Variants in KCNC1 observed in about 807,000 individuals in gnomAD.
KCNC1 encodes voltage-gated potassium channel KCNC1.
In KCNC1, 8 loss-of-function variants were observed where a neutral mutation model predicts 43.4. The observed-to-expected ratio is 0.18, with a 90% confidence interval of 0.11 to 0.33. The LOEUF (loss-of-function observed/expected upper bound fraction) is 0.33, where lower values mean the gene tolerates loss of function less well. KCNC1 is among the 10% of genes least tolerant of loss of function. The probability of loss-of-function intolerance (pLI) is 1.00; values close to 1 mark genes in which losing one functional copy is unlikely to be tolerated. For synonymous variants in KCNC1, 361 were observed against 360.5 expected (o/e 1.00, Z -0.01); for missense variants, 420 against 836.0 (o/e 0.50, Z 6.14).
chr11:17,766,219 A>G (rs1429799821), intron 1 of KCNC1, among the ~76,000 whole-genome samples: 2 of 152,148 alleles, frequency 1.3e-5, no homozygotes. Flanking sequence ...GCAGCACCCA[A>G]GTGTTTCTGG....
chr11:17,758,376 G>A (rs1318657791), intron 1 of KCNC1, among the ~76,000 whole-genome samples: 2 of 152,156 alleles, frequency 1.3e-5, no homozygotes, highest in Non-Finnish European at 2.9e-5. Flanking sequence ...CACGAGAATT[G>A]GAATCAACTC....
Position 17,735,795 on chromosome 11 carries a change from C to T in KCNC1, c.-208C>T, listed in dbSNP as rs1313177546. The T allele has an allele frequency of 8.1e-6, 4 of 492,828 alleles. No homozygotes were observed. The highest frequency in any genetic ancestry group is 2.0e-5 in the African/African-American group (1 of 49,028). The allele number at this position is 492,828 out of a possible 1,614,324, so 30.5% of individuals were successfully genotyped here. Reference sequence around the variant, plus strand: ...GCTCCTAGAGACCCCTGGGATCCCGCGCACATTCCCCTGGACCGGCACCCG... The same window carrying T: ...GCTCCTAGAGACCCCTGGGATCCCGTGCACATTCCCCTGGACCGGCACCCG... On this transcript the variant is annotated 5_prime_UTR_variant, in exon 1 of 4. Transcript: ENST00000265969. This position sits in a 1 kb window ranked among gnomAD's most constrained non-coding sequence, Gnocchi z 6.7.
rs956106787 is a variant in KCNC1 at position 17,773,465 on chromosome 11, G to A, written c.1504+867G>A. 6.5e-5 allele frequency: 64 copies of A among 985,020 alleles called. No homozygotes were observed. Among genetic ancestry groups the A allele is most frequent in the Non-Finnish European group, 7.7e-5 (64 of 829,908 alleles). 61.0% of individuals were successfully genotyped at this position (985,020 alleles called of 1,614,324 possible). A position where few individuals can be genotyped will look rare whatever the true frequency, so the allele number is the denominator to read the frequency against. On this transcript the variant is annotated intron_variant, in intron 2 of 3. Coordinates refer to ENST00000265969, the MANE Select transcript of KCNC1 (RefSeq NM_001112741.2). The surrounding 1 kb of genome is among the most constrained non-coding windows in gnomAD (Gnocchi z 4.1). ...TACAGACCAGCAACAGCCTCCCACCGAGGGTTCTCCCCGTTTCCAGCGGTA... is the reference window on the plus strand; with the variant it reads ...TACAGACCAGCAACAGCCTCCCACCAAGGGTTCTCCCCGTTTCCAGCGGTA...
intron 1 of KCNC1, among the ~76,000 whole-genome samples, chr11:17,750,269 G>A (rs2133787376): frequency 6.6e-6 from 1 of 152,318 alleles, no homozygotes; most frequent in Middle Eastern, 3.4e-3. Context: ...CAGGTCCTGG[G>A]TTTGGATTTT....
chr11:17,751,252 G>A (rs1460444221), intron 1 of KCNC1, among the ~76,000 whole-genome samples: 1 of 152,190 alleles, frequency 6.6e-6, no homozygotes, highest in Non-Finnish European at 1.5e-5. Context: ...TAAAAATGAG[G>A]TAGTGGGAGA....
chr11:17,742,902 C>T lies in KCNC1; in HGVS notation c.570+6330C>T, dbSNP rs1590092275. On this transcript the variant is annotated intron_variant, in intron 1 of 3. Coordinates refer to ENST00000265969, the MANE Select transcript of KCNC1 (RefSeq NM_001112741.2). The surrounding 1 kb of genome is among the most constrained non-coding windows in gnomAD (Gnocchi z 4.2). The stretch of plus-strand genomic sequence containing the variant: ...CGTGCTGTTCTTCTCTTATCTACTC[C>T]CATTAATTTCCTTCCTGGGGGAAGT... Among the ~76,000 whole-genome samples the T allele has an allele frequency of 6.6e-6, 1 of 152,112 alleles. No homozygotes were observed. The highest frequency in any genetic ancestry group is 1.9e-4 in the East Asian group (1 of 5,188).
In KCNC1 at chr11:17,773,058, C is replaced by T; in HGVS notation, c.1504+460C>T. 2.0e-6 allele frequency: 2 copies of T among 1,010,708 alleles called. No homozygotes were observed. Among genetic ancestry groups the T allele is most frequent in the Non-Finnish European group, 2.4e-6 (2 of 845,914 alleles). The allele number at this position is 1,010,708 out of a possible 1,614,324, so 62.6% of individuals were successfully genotyped here. On this transcript the variant is annotated intron_variant, in intron 2 of 3. Transcript: ENST00000265969. This position sits in a 1 kb window ranked among gnomAD's most constrained non-coding sequence, Gnocchi z 4.1. ...GGCTCCCTTCAGGCTGTGTAGATGG[C>T]AGAGATGGTGCATGGGATCTGGGCA...
In KCNC1 at chr11:17,735,932, G is replaced by C; in HGVS notation, c.-71G>C. 1 of 1,377,010 alleles carries C rather than the reference G, an allele frequency of 7.3e-7. No individual in the cohort carries two copies. Among genetic ancestry groups the C allele is most frequent in the Non-Finnish European group, 9.3e-7 (1 of 1,073,668 alleles). The allele number at this position is 1,377,010 out of a possible 1,614,324, so 85.3% of individuals were successfully genotyped here. ...GAAGAGGGCGCGCGCCCCCCTCCCC[G>C]GCGCCAACTCCCCCTGGCGGCCGCT... On this transcript the variant is annotated 5_prime_UTR_variant, in exon 1 of 4. Transcript: ENST00000265969. This position sits in a 1 kb window ranked among gnomAD's most constrained non-coding sequence, Gnocchi z 6.7.
At position 17,781,600 on chromosome 11, in the gene KCNC1, A is replaced by C; in HGVS notation, c.1694-70A>C. The C allele has an allele frequency of 9.2e-7, 1 of 1,082,448 alleles. No individual in the cohort carries two copies. 67.1% of individuals were successfully genotyped at this position (1,082,448 alleles called of 1,614,324 possible). A position where few individuals can be genotyped will look rare whatever the true frequency, so the allele number is the denominator to read the frequency against. ...CTGTCTTTCCTCCTCCTTCTTAAAA[A>C]CTAAGTACCAAGCGGGATGGGAGAG... On this transcript the variant is annotated intron_variant, in intron 3 of 3. Transcript: ENST00000265969. The surrounding 1 kb of genome is among the most constrained non-coding windows in gnomAD (Gnocchi z 5.1).
chr11:17,756,856 G>A (rs1304922057), intron 1 of KCNC1, among the ~76,000 whole-genome samples: 1 of 152,188 alleles, frequency 6.6e-6, no homozygotes, highest in Non-Finnish European at 1.5e-5. Flanking sequence ...TTTCTCCCAG[G>A]ACTACCTGGG....
chr11:17,740,373 C>A (rs1848824100), intron 1 of KCNC1, among the ~76,000 whole-genome samples: 1 of 152,122 alleles, frequency 6.6e-6, no homozygotes, highest in Admixed American at 6.5e-5. Flanking sequence ...AGAATAAGAA[C>A]TGCCCCAGAG....
chr11:17,779,444 A>T lies in KCNC1; in HGVS notation c.1505-12A>T. On this transcript the variant is annotated splice_polypyrimidine_tract_variant and intron_variant, in intron 2 of 3. Transcript: ENST00000265969. The surrounding 1 kb of genome is among the most constrained non-coding windows in gnomAD (Gnocchi z 7.2). Reference sequence around the variant, plus strand: ...TTCAGTGTCTCAATAGCTTCTGCTTATATGTTTGAAGATTCCAAACTGAAT... The same window carrying T: ...TTCAGTGTCTCAATAGCTTCTGCTTTTATGTTTGAAGATTCCAAACTGAAT... 1 of 1,532,746 alleles carries T rather than the reference A, an allele frequency of 6.5e-7. No individual in the cohort carries two copies. The highest frequency in any genetic ancestry group is 8.8e-7 in the Non-Finnish European group (1 of 1,138,362). 94.9% of individuals were successfully genotyped at this position (1,532,746 alleles called of 1,614,324 possible).
At position 17,776,389 on chromosome 11, in the gene KCNC1, C is replaced by T; in HGVS notation, c.1505-3067C>T. On this transcript the variant is annotated intron_variant, in intron 2 of 3. Transcript: ENST00000265969. The surrounding 1 kb of genome is among the most constrained non-coding windows in gnomAD (Gnocchi z 4.4). The stretch of plus-strand genomic sequence containing the variant: ...AAATGCCCAGCAACCCCCAACCCAC[C>T]CCAGCCCCGCGTGCGCCCCTCCGGT... 1 of 985,448 alleles carries T rather than the reference C, an allele frequency of 1.0e-6. No homozygotes were observed. Among genetic ancestry groups the T allele is most frequent in the Non-Finnish European group, 1.2e-6 (1 of 829,968 alleles). 61.0% of individuals were successfully genotyped at this position (985,448 alleles called of 1,614,324 possible).
chr11:17,736,694 G>A lies in KCNC1; in HGVS notation c.570+122G>A, dbSNP rs1323615550. The A allele has an allele frequency of 4.2e-6, 6 of 1,413,680 alleles. No individual in the cohort carries two copies. In the Admixed American group the frequency reaches 1.4e-4, roughly 34 times the overall value. 87.6% of individuals were successfully genotyped at this position (1,413,680 alleles called of 1,614,324 possible). ...AGTTCAGAATCGAAAGGGGGTGTGT[G>A]CGCATGTGTGCACGTACCAGGGTAA... On this transcript the variant is annotated intron_variant, in intron 1 of 3. Transcript: ENST00000265969. This position sits in a 1 kb window ranked among gnomAD's most constrained non-coding sequence, Gnocchi z 9.3.
In KCNC1 at chr11:17,739,640, G is replaced by C. The variant is rs538962209; in HGVS notation, c.570+3068G>C. Among the ~76,000 whole-genome samples, 2 of 150,546 alleles carry C rather than the reference G, an allele frequency of 1.3e-5. No individual in the cohort carries two copies. Among genetic ancestry groups the C allele is most frequent in the Non-Finnish European group, 3.0e-5 (2 of 67,738 alleles). On this transcript the variant is annotated intron_variant, in intron 1 of 3. Coordinates refer to ENST00000265969, the MANE Select transcript of KCNC1 (RefSeq NM_001112741.2). This position sits in a 1 kb window ranked among gnomAD's most constrained non-coding sequence, Gnocchi z 4.2. ...GAGTGTGTGGCTGTGTGTGGCAAGTGTGAAACTGTATATGTGGAGCTCATG... is the reference window on the plus strand; with the variant it reads ...GAGTGTGTGGCTGTGTGTGGCAAGTCTGAAACTGTATATGTGGAGCTCATG...
chr11:17,751,272 G>A (rs1848966010), intron 1 of KCNC1, among the ~76,000 whole-genome samples: 1 of 152,200 alleles, frequency 6.6e-6, no homozygotes, highest in African/African-American at 2.4e-5. Flanking sequence ...AGACCGACGA[G>A]TAATGGACGA....
Position 17,776,826 on chromosome 11 carries a change from A to G in KCNC1, c.1505-2630A>G. On this transcript the variant is annotated intron_variant, in intron 2 of 3. Coordinates refer to ENST00000265969, the MANE Select transcript of KCNC1 (RefSeq NM_001112741.2). This position sits in a 1 kb window ranked among gnomAD's most constrained non-coding sequence, Gnocchi z 4.4. Reference sequence around the variant, plus strand: ...CCCCTCGTTGGTTTCTCTTTCTTCAAGCCACCCCTCTGGAGTTGGGGAGGG... The same window carrying G: ...CCCCTCGTTGGTTTCTCTTTCTTCAGGCCACCCCTCTGGAGTTGGGGAGGG... 1.0e-6 allele frequency: 1 copy of G among 985,502 alleles called. No homozygotes were observed. Among genetic ancestry groups the G allele is most frequent in the Non-Finnish European group, 1.2e-6 (1 of 830,134 alleles). 61.0% of individuals were successfully genotyped at this position (985,502 alleles called of 1,614,324 possible).
intron 1 of KCNC1, among the ~76,000 whole-genome samples, chr11:17,745,550 A>G (rs1241551992): frequency 2.0e-5 from 3 of 152,016 alleles, no homozygotes; most frequent in Non-Finnish European, 2.9e-5. Context: ...GCAAAGTGCT[A>G]TCGGACCAAG....
chr11:17,767,668 G>T (rs1457596043), intron 1 of KCNC1, among the ~76,000 whole-genome samples: 1 of 152,230 alleles, frequency 6.6e-6, no homozygotes, highest in Non-Finnish European at 1.5e-5. Context: ...CGTCCCTTGG[G>T]ATTTGATGTT....
Sources: gnomAD v4.1 joint callset for allele counts (sites outside exome capture counted in the v4.1 genomes callset) on GRCh38, gnomAD v4.1.1 for gene constraint, Gnocchi (gnomAD v3.1) non-coding constraint, MANE v1.5 for transcripts, NCBI Gene and HGNC (gene_info 2026-07-23, HGNC 2026-07-21) for gene names.